GPR108: variants seen among roughly 807,000 people sequenced by gnomAD.
GPR108 encodes the protein G protein-coupled receptor 108.
GPR108 carries 60 observed loss-of-function variants against 74.3 expected under a neutral mutation model. The observed-to-expected ratio is 0.81, with a 90% CI of 0.66 to 1.00. The LOEUF is 1.00. Among genes scored for constraint, GPR108 ranks in the 50% least tolerant of loss-of-function variants. The pLI, the probability that GPR108 is intolerant of heterozygous loss-of-function variation, is 0.00. For synonymous variants in GPR108, 311 were observed against 292.4 expected (o/e 1.06, Z -0.65); for missense variants, 667 against 703.3 (o/e 0.95, Z 0.58).
chr19:6,737,187 A>C (rs2145504537), intron 1 of GPR108: 2 of 494,900 alleles, frequency 4.0e-6, no homozygotes, highest in Non-Finnish European at 7.1e-6. Flanking sequence ...ACTAAGACCC[A>C]GTTGGGGGGA....
Position 6,733,877 on chromosome 19 carries a change from G to A in GPR108, c.586C>T (p.Leu196=). Residue 196 remains leucine, a synonymous_variant, in exon 7 of 18, where the codon CTG becomes TTG. Coordinates refer to ENST00000264080, the MANE Select transcript of GPR108 (RefSeq NM_001080452.2). Reference sequence around the variant, plus strand: ...TTGTAGGAGTTGTTGAGGTGGCTCAGGCCCAACACCAGGTCCTTGTCCTTC... The same window carrying A: ...TTGTAGGAGTTGTTGAGGTGGCTCAAGCCCAACACCAGGTCCTTGTCCTTC... ...SGKDKDLVLG[L]SHLNNSYNFS... 6.2e-7 allele frequency: 1 copy of A among 1,614,150 alleles called. No individual in the cohort carries two copies. The highest frequency in any genetic ancestry group is 8.5e-7 in the Non-Finnish European group (1 of 1,179,986).
intron 12 of GPR108, 24 bp from the exon 13 acceptor site, chr19:6,732,179 G>A: frequency 6.2e-7 from 1 of 1,612,998 alleles, no homozygotes; most frequent in East Asian, 2.2e-5. Flanking sequence ...GGGGGTGGGT[G>A]GGCACTGCCT....
At chr19:6,732,617 G>A in intron 10 of GPR108, 68 bp from the exon 11 acceptor site, 1 of 1,221,116 alleles carries the variant, frequency 8.2e-7, no homozygotes, top group Non-Finnish European at 1.2e-6. Flanking sequence ...TGGTGGTGGG[G>A]GATTAGGAAC....
Position 6,733,167 on chromosome 19 carries a change from C to T in GPR108, c.857+1G>A, listed in dbSNP as rs965165867. 11 of 1,614,006 alleles carry T rather than the reference C, an allele frequency of 6.8e-6. No homozygotes were observed. The highest frequency in any genetic ancestry group is 2.2e-5 in the East Asian group (1 of 44,882). On this transcript the variant is annotated splice_donor_variant, in intron 9 of 17. Coordinates refer to ENST00000264080, the MANE Select transcript of GPR108 (RefSeq NM_001080452.2). LOFTEE classifies it high-confidence loss of function. ...GGGACCCTCAGGGGCAGGGGCATTA[C>T]GTGTTCCTGCAGAGGATGGACACCC...
intron 4 of GPR108, 172 bp downstream of exon 4, chr19:6,735,450 G>C: frequency 1.6e-6 from 1 of 610,840 alleles, no homozygotes; most frequent in Non-Finnish European, 2.9e-6. Context: ...CAACACCCGC[G>C]GAGTCCCTCT....
rs767673310 is a variant in GPR108 at position 6,731,926 on chromosome 19, C to T, written c.1265G>A (p.Arg422Gln). ...TGTGCCAGACGCATCCTGGAGATGC[C>T]GGATGGACCTGGGACAAGTGGAGGA... ...AILFPVVWSIRHLQDASGTDG... is the reference protein window; with the variant it reads ...AILFPVVWSIQHLQDASGTDG... Residue 422 changes from arginine to glutamine, a missense_variant, in exon 14 of 18, where the codon CGG (arginine) becomes CAG (glutamine). Coordinates refer to ENST00000264080, the MANE Select transcript of GPR108 (RefSeq NM_001080452.2). 8.1e-6 allele frequency: 13 copies of T among 1,612,662 alleles called. No homozygotes were observed. The highest frequency in any genetic ancestry group is 3.3e-5 in the South Asian group (3 of 90,956).
chr19:6,731,069 C>T lies in GPR108; in HGVS notation c.1477G>A (p.Gly493Ser). 6.2e-7 allele frequency: 1 copy of T among 1,613,604 alleles called. No individual in the cohort carries two copies. The highest frequency in any genetic ancestry group is 8.5e-7 in the Non-Finnish European group (1 of 1,179,888). ...GSTLAFFVLTGYKFQPTGNNP... is the reference protein window; with the variant it reads ...GSTLAFFVLTSYKFQPTGNNP... ...TTTCCTGTGGGCTGGAACTTGTAGC[C>T]CGTGAGCACGAAGAAGGCCAGGGTG... Residue 493 changes from glycine (G) to serine (S), a missense_variant, in exon 17 of 18, where the codon GGC becomes AGC. Physicochemically the swap from Gly to Ser is moderately conservative, Grantham distance 56. Coordinates refer to ENST00000264080, the MANE Select transcript of GPR108 (RefSeq NM_001080452.2).
Position 6,731,945 on chromosome 19 carries a change from T to C in GPR108, c.1257-11A>G, listed in dbSNP as rs553590466. On this transcript the variant is annotated splice_polypyrimidine_tract_variant and intron_variant, in intron 13 of 17. Transcript: ENST00000264080. The stretch of plus-strand genomic sequence containing the variant: ...AGATGCCGGATGGACCTGGGACAAG[T>C]GGAGGACACAGGGTACGGTCAGCGC... The C allele has an allele frequency of 1.2e-6, 2 of 1,612,882 alleles. No homozygotes were observed. Among genetic ancestry groups the C allele is most frequent in the East Asian group, 4.5e-5 (2 of 44,826 alleles).
chr19:6,732,584 A>G (rs1442123471), intron 10 of GPR108, 35 bp from the exon 11 acceptor site: 1 of 1,529,944 alleles, frequency 6.5e-7, no homozygotes, highest in Non-Finnish European at 9.0e-7. Context: ...AGTGAGGCGC[A>G]CAGAGGGGTG....
intron 8 of GPR108, 36 bp downstream of exon 8, chr19:6,733,534 G>C (rs339396): frequency 0.11 from 181,676 of 1,583,438 alleles, 10,882 homozygotes; most frequent in Middle Eastern, 0.13. Flanking sequence ...CCTGCAGGGG[G>C]CGCTCCCTGG....
chr19:6,733,969 G>A (rs1364059351), intron 6 of GPR108, 36 bp downstream of exon 6: 2 of 1,614,024 alleles, frequency 1.2e-6, no homozygotes, highest in Non-Finnish European at 1.7e-6. Context: ...GGGCCCTGGG[G>A]TGTGCATCTT....
chr19:6,735,574 G>C, intron 4 of GPR108, 48 bp downstream of exon 4: 1 of 1,529,458 alleles, frequency 6.5e-7, no homozygotes, highest in South Asian at 1.1e-5. Context: ...CATCACACCA[G>C]GGAAACGCAG....
At chr19:6,732,895 TC>T in intron 10 of GPR108, 91 bp downstream of exon 10, 1 of 1,188,810 alleles carries the variant, frequency 8.4e-7, no homozygotes, top group South Asian at 1.4e-5. Flanking sequence ...CGGATGGCCC[TC>T]CCACAGGCCC....
At chr19:6,734,732 G>A (rs1485724512) in intron 4 of GPR108, among the ~76,000 whole-genome samples, 2 of 151,854 alleles carry the variant, frequency 1.3e-5, no homozygotes, top group African/African-American at 2.4e-5. Flanking sequence ...TAGAGACAGG[G>A]GTCTCCCTAC....
At chr19:6,731,776 G>T in intron 14 of GPR108, 115 bp downstream of exon 14, 2 of 1,221,730 alleles carry the variant, frequency 1.6e-6, no homozygotes, top group Non-Finnish European at 2.3e-6. Flanking sequence ...CATCCAGGGA[G>T]GCAGAGGCCT....
chr19:6,731,035 T>C lies in GPR108; in HGVS notation c.1511A>G (p.Tyr504Cys), dbSNP rs866388778. 1 of 1,613,266 alleles carries C rather than the reference T, an allele frequency of 6.2e-7. No homozygotes were observed. The highest frequency in any genetic ancestry group is 8.5e-7 in the Non-Finnish European group (1 of 1,179,828). Residue 504 changes from tyrosine to cysteine, a missense_variant, in exon 17 of 18, where the codon TAC becomes TGC. Tyr to Cys is a radical substitution (Grantham distance 194, BLOSUM62 -2). Transcript: ENST00000264080. ...CTCGTCCTCCTGGGGCAGCTGCAGG[T>C]ACGGGTTGTTTCCTGTGGGCTGGAA... ...YKFQPTGNNP[Y>C]LQLPQEDEED...
chr19:6,736,603 TCTC>T lies in GPR108; in HGVS notation c.226_228del (p.Glu76del). 2.5e-6 allele frequency: 4 copies of T among 1,613,850 alleles called. No homozygotes were observed. The highest frequency in any genetic ancestry group is 2.2e-5 in the South Asian group (2 of 91,048). ...TCAAGGTCCCTCACCAGCAGGGACT[TCTC>T]TTCTGCCTCCCGGAGGCCCAGCCGC... On this transcript the variant is annotated inframe_deletion, in exon 2 of 18. Coordinates refer to ENST00000264080, the MANE Select transcript of GPR108 (RefSeq NM_001080452.2).
chr19:6,732,743 G>A (rs547651047), intron 10 of GPR108, 194 bp from the exon 11 acceptor site: 25 of 660,274 alleles, frequency 3.8e-5, no homozygotes, highest in African/African-American at 2.5e-4. Context: ...AGCTGAAGGG[G>A]TGAATAGTTG....
intron 10 of GPR108, 71 bp from the exon 11 acceptor site, chr19:6,732,620 T>G: frequency 8.4e-7 from 1 of 1,184,390 alleles, no homozygotes; most frequent in Non-Finnish European, 1.2e-6. Context: ...TGGTGGGGGA[T>G]TAGGAACACG....
Sources: allele counts gnomAD v4.1 joint callset (sites outside exome capture counted in the v4.1 genomes callset), GRCh38; gene constraint gnomAD v4.1.1; transcripts MANE v1.5; gene names NCBI Gene and HGNC (gene_info 2026-07-23, HGNC 2026-07-21).